Variants in DIP2B observed in about 807,000 individuals in gnomAD.
DIP2B encodes the protein DIP2 acetate--CoA ligase B (putative).
Under a neutral mutation model 198.0 loss-of-function variants are expected in DIP2B, and 76 were observed. The ratio of observed to expected loss-of-function variants is 0.38; its 90% confidence interval spans 0.32 to 0.46. The LOEUF (loss-of-function observed/expected upper bound fraction) is 0.46. Ranked by LOEUF, DIP2B falls within the 20% of genes least tolerant of loss-of-function variation. The pLI is 0.99. For missense variants in DIP2B, 1,559 were observed against 1,978.4 expected (o/e 0.79, Z 4.02); for synonymous variants, 701 against 739.1 (o/e 0.95, Z 0.84).
At chr12:50,612,878 GT>G (rs2139455438) in intron 1 of DIP2B, among the ~76,000 whole-genome samples, 1 of 152,106 alleles carries the variant, frequency 6.6e-6, no homozygotes, top group South Asian at 2.1e-4. Flanking sequence ...CTCTTTTCCT[GT>G]TACACCCCAG....
intron 1 of DIP2B, among the ~76,000 whole-genome samples, chr12:50,523,791 T>G (rs773588687): frequency 3.9e-5 from 6 of 152,230 alleles, no homozygotes; most frequent in Non-Finnish European, 7.3e-5. Context: ...TTGTATTAGC[T>G]TAGTTCAGTT....
At chr12:50,600,468 C>T (rs531047140) in intron 1 of DIP2B, among the ~76,000 whole-genome samples, 62 of 152,244 alleles carry the variant, frequency 4.1e-4, no homozygotes, top group African/African-American at 1.1e-3. Context: ...ACTAGAGGTA[C>T]TTCAGGTGTT....
At chr12:50,704,275 T>C in intron 20 of DIP2B, 55 bp downstream of exon 20, 1 of 1,560,152 alleles carries the variant, frequency 6.4e-7, no homozygotes, top group Non-Finnish European at 8.8e-7. Context: ...ATTTGGACTT[T>C]AATTCACAGA....
At chr12:50,593,697 T>TCTCCTCTCCCCTCCTCTCCC (rs1565836957) in intron 1 of DIP2B, among the ~76,000 whole-genome samples, 33 of 97,744 alleles carry the variant, frequency 3.4e-4, no homozygotes, top group African/African-American at 1.1e-3. Flanking sequence ...TCTTTTCTCC[T>TCTCCTCTCCCCTCCTCTCCC]CTCCTCTCCC....
chr12:50,630,663 C>CTTTTTTTTTTTT (rs11327858), intron 2 of DIP2B, among the ~76,000 whole-genome samples: 6 of 74,568 alleles, frequency 8.0e-5, no homozygotes, highest in African/African-American at 3.0e-4. Flanking sequence ...TCTTTCTTTT[C>CTTTTTTTTTTTT]TTTTTTTTTT....
intron 30 of DIP2B, among the ~76,000 whole-genome samples, 194 bp from the exon 31 acceptor site, chr12:50,731,175 C>T (rs928870538): frequency 6.6e-6 from 1 of 152,208 alleles, no homozygotes; most frequent in African/African-American, 2.4e-5. Context: ...AGTGACCTAC[C>T]ACAGTCTGCT....
At chr12:50,643,313 A>T (rs1299333624) in intron 3 of DIP2B, among the ~76,000 whole-genome samples, 1 of 151,680 alleles carries the variant, frequency 6.6e-6, no homozygotes, top group Non-Finnish European at 1.5e-5. Context: ...TGTGGATCAG[A>T]TACTAGTCAG....
chr12:50,642,427 G>T (rs762427775), intron 3 of DIP2B, among the ~76,000 whole-genome samples: 3 of 152,198 alleles, frequency 2.0e-5, no homozygotes, highest in Non-Finnish European at 2.9e-5. Flanking sequence ...AGACTGCAGT[G>T]CCTGGCACAG....
chr12:50,673,413 G>C (rs1049891665), intron 5 of DIP2B, among the ~76,000 whole-genome samples: 3 of 152,196 alleles, frequency 2.0e-5, no homozygotes, highest in Non-Finnish European at 4.4e-5. Flanking sequence ...AAAAAACTAT[G>C]TGGTGTTTTT....
chr12:50,730,502 C>T (rs929554754), intron 30 of DIP2B, among the ~76,000 whole-genome samples: 2 of 151,860 alleles, frequency 1.3e-5, no homozygotes, highest in African/African-American at 4.8e-5. Flanking sequence ...ACCTCAGCCT[C>T]CCAAGTAGCT....
chr12:50,634,362 TC>T (rs1938119351), intron 2 of DIP2B, among the ~76,000 whole-genome samples: 1 of 152,190 alleles, frequency 6.6e-6, no homozygotes, highest in Admixed American at 6.5e-5. Flanking sequence ...GGTCCTGTGG[TC>T]TAATCTTTAA....
chr12:50,733,220 T>C (rs991870601), intron 32 of DIP2B, among the ~76,000 whole-genome samples: 2 of 150,458 alleles, frequency 1.3e-5, no homozygotes, highest in African/African-American at 4.9e-5. Flanking sequence ...CTTCTGTTTT[T>C]CTGTCTCTAT....
chr12:50,702,463 G>A (rs1276114443), intron 19 of DIP2B, among the ~76,000 whole-genome samples: 1 of 152,088 alleles, frequency 6.6e-6, no homozygotes, highest in Non-Finnish European at 1.5e-5. Context: ...TCAGGAGGCT[G>A]AGGCAGGAGA....
chr12:50,554,276 A>G (rs889693834), intron 1 of DIP2B, among the ~76,000 whole-genome samples: 1 of 152,120 alleles, frequency 6.6e-6, no homozygotes, highest in Non-Finnish European at 1.5e-5. Flanking sequence ...TTTTCCCTCC[A>G]TATAGTTATA....
chr12:50,693,246 C>G (rs1200869045), intron 14 of DIP2B, among the ~76,000 whole-genome samples: 2 of 152,164 alleles, frequency 1.3e-5, no homozygotes, highest in East Asian at 1.9e-4. Flanking sequence ...GGGGATTCTC[C>G]CCATCAGAGA....
intron 1 of DIP2B, among the ~76,000 whole-genome samples, chr12:50,511,289 C>CTGTTTTTTTTTTTTT (rs1316212138): frequency 4.8e-5 from 1 of 20,944 alleles, no homozygotes; most frequent in African/African-American, 1.3e-4. Context: ...AGTGTGATTT[C>CTGTTTTTTTTTTTTT]TATTTTTTTT....
chr12:50,606,883 T>A (rs4768899), intron 1 of DIP2B, among the ~76,000 whole-genome samples: 41,344 of 151,758 alleles, frequency 0.27, 5,966 homozygotes, highest in East Asian at 0.39. Context: ...CTTGGCTCAC[T>A]GTAGCTTTGA....
At chr12:50,636,926 C>T (rs876079) in intron 2 of DIP2B, among the ~76,000 whole-genome samples, 41,267 of 152,010 alleles carry the variant, frequency 0.27, 5,971 homozygotes, top group East Asian at 0.36. Flanking sequence ...GCAGGTGGCC[C>T]CTTTTCCAGA....
chr12:50,629,128 C>T (rs111241293), intron 2 of DIP2B, among the ~76,000 whole-genome samples: 4 of 152,140 alleles, frequency 2.6e-5, no homozygotes, highest in South Asian at 2.1e-4. Flanking sequence ...GCAATCCACC[C>T]GTCTCGGCCT....
Sources: gnomAD v4.1 joint callset for allele counts (sites outside exome capture counted in the v4.1 genomes callset) on GRCh38, gnomAD v4.1.1 for gene constraint, MANE v1.5 for transcripts, NCBI Gene and HGNC (gene_info 2026-07-23, HGNC 2026-07-21) for gene names.